Variants in PARN observed in about 807,000 individuals in gnomAD.
PARN encodes the protein poly(A)-specific ribonuclease.
A neutral mutation model predicts 102.8 loss-of-function variants in PARN; 71 were observed. The ratio of observed to expected loss-of-function variants is 0.69; its 90% CI spans 0.57 to 0.84. The LOEUF is 0.84. Among genes scored for constraint, PARN ranks in the 40% least tolerant of loss-of-function variants. The pLI is 0.00. For missense variants in PARN, 782 were observed against 760.9 expected, an observed-to-expected ratio of 1.03 and a Z score of -0.33; for synonymous variants, 261 against 252.9, an observed-to-expected ratio of 1.03 and a Z score of -0.30.
At chr16:14,513,166 C>T (rs1965291308) in intron 21 of PARN, among the ~76,000 whole-genome samples, 1 of 152,174 alleles carries the variant, frequency 6.6e-6, no homozygotes, top group Admixed American at 6.5e-5. Context: ...CTCAAGTGAT[C>T]TGCCCGCCTC....
intron 21 of PARN, chr16:14,501,458 AAACAGAAAGAAAAAGAGAATGAATGTT>A (rs1964605609): frequency 6.9e-6 from 1 of 144,234 alleles, no homozygotes; most frequent in Non-Finnish European, 1.5e-5. Flanking sequence ...AAAAAAAAAA[AAACAGAAAGAAAAAGAGAATGAATGTT>A]AAAATGTAGG....
rs1175994229 is a variant in PARN, at chr16:14,542,390, C to T, written c.1480+9631G>A. Among the ~76,000 whole-genome samples the T allele has an allele frequency of 2.7e-5, 4 of 150,470 alleles. No individual in the cohort carries two copies. The East Asian group carries it at 7.9e-4, about 30-fold the overall frequency. On this transcript the variant is annotated intron_variant, in intron 21 of 23. Coordinates refer to ENST00000437198, the MANE Select transcript of PARN (RefSeq NM_002582.4). Reference sequence around the variant, plus strand: ...AGGCTGGAGTGGAGTGGTACAGTTACAGCTCATTACAGCCTCAAACTGGGC... The same window carrying T: ...AGGCTGGAGTGGAGTGGTACAGTTATAGCTCATTACAGCCTCAAACTGGGC...
chr16:14,544,256 G>T (rs1392501044), intron 21 of PARN, among the ~76,000 whole-genome samples: 3 of 152,140 alleles, frequency 2.0e-5, no homozygotes, highest in Non-Finnish European at 4.4e-5. Flanking sequence ...TGTATACACA[G>T]ATAGGTCTAG....
intron 21 of PARN, among the ~76,000 whole-genome samples, chr16:14,517,984 A>T (rs1307320422): frequency 6.6e-6 from 1 of 152,116 alleles, no homozygotes; most frequent in African/African-American, 2.4e-5. Flanking sequence ...TATATTTTCA[A>T]ACCAGATGTT....
At position 14,501,002 on chromosome 16, in the gene PARN, G is replaced by C. The variant is rs556666929; in HGVS notation, c.1481-18175C>G. On this transcript the variant is annotated intron_variant, in intron 21 of 23. Coordinates refer to ENST00000437198, the MANE Select transcript of PARN (RefSeq NM_002582.4). ...ATTCTTCTGCTATGAGGCACCCAGGGAAATAGTCCAGAGGTCTGAATTGCA... is the reference window on the plus strand; with the variant it reads ...ATTCTTCTGCTATGAGGCACCCAGGCAAATAGTCCAGAGGTCTGAATTGCA... Among the ~76,000 whole-genome samples the C allele has an allele frequency of 3.3e-5, 5 of 152,176 alleles. No homozygotes were observed. The South Asian group carries it at 8.3e-4, about 25-fold the overall frequency.
chr16:14,540,069 A>C (rs545505744), intron 21 of PARN, among the ~76,000 whole-genome samples: 4 of 152,346 alleles, frequency 2.6e-5, no homozygotes, highest in Admixed American at 2.6e-4. Flanking sequence ...TGAAGTCTGC[A>C]TGGAGTCCTG....
At chr16:14,570,869 T>G (rs1327057776) in intron 18 of PARN, among the ~76,000 whole-genome samples, 2 of 147,314 alleles carry the variant, frequency 1.4e-5, no homozygotes, top group Non-Finnish European at 3.0e-5. Flanking sequence ...GCGCCTTTGG[T>G]AGCTACTTGG....
chr16:14,572,427 T>C (rs17201356), intron 18 of PARN, among the ~76,000 whole-genome samples: 4,319 of 152,222 alleles, frequency 0.028, 84 homozygotes, highest in Non-Finnish European at 0.041. Context: ...TGATGTTAAA[T>C]GTCAAGCACA....
intron 21 of PARN, among the ~76,000 whole-genome samples, chr16:14,519,237 T>A (rs1965612109): frequency 6.8e-6 from 1 of 147,082 alleles, no homozygotes; most frequent in Non-Finnish European, 1.5e-5. Context: ...TGATGTATTT[T>A]CATCTGAAAG....
At chr16:14,497,251 C>T (rs1964364235) in intron 21 of PARN, among the ~76,000 whole-genome samples, 1 of 152,140 alleles carries the variant, frequency 6.6e-6, no homozygotes, top group African/African-American at 2.4e-5. Context: ...TAACACAACA[C>T]AGCTCATTGA....
intron 22 of PARN, among the ~76,000 whole-genome samples, chr16:14,455,686 A>C (rs1167299631): frequency 6.6e-6 from 1 of 152,066 alleles, no homozygotes; most frequent in African/African-American, 2.4e-5. Context: ...ATAGATTTTT[A>C]TTGAGAAGAA....
intron 13 of PARN, among the ~76,000 whole-genome samples, chr16:14,590,349 T>G (rs1970116519): frequency 7.2e-6 from 1 of 139,668 alleles, no homozygotes; most frequent in Non-Finnish European, 1.5e-5. Flanking sequence ...GAAATGCCAA[T>G]CCAGGCCAGA....
chr16:14,463,123 C>T (rs1962089276), intron 22 of PARN, among the ~76,000 whole-genome samples: 1 of 152,190 alleles, frequency 6.6e-6, no homozygotes, highest in South Asian at 2.1e-4. Context: ...AACGCCTGTT[C>T]CCACCAGCTA....
chr16:14,488,523 A>C lies in PARN; in HGVS notation c.1481-5696T>G, dbSNP rs943881588. On this transcript the variant is annotated intron_variant, in intron 21 of 23. Transcript: ENST00000437198. ...CACTAGAATATATAAAAATAGCCAC[A>C]AACTAGTGAGGAAACAACTGCAGAA... Among the ~76,000 whole-genome samples, 11 of 152,184 alleles carry C rather than the reference A, an allele frequency of 7.2e-5. 1 individual carries two copies. The highest frequency in any genetic ancestry group is 8.8e-5 in the Non-Finnish European group (6 of 68,042).
At chr16:14,625,186 A>G (rs1422634899) in intron 5 of PARN, among the ~76,000 whole-genome samples, 1 of 151,836 alleles carries the variant, frequency 6.6e-6, no homozygotes, top group East Asian at 1.9e-4. Context: ...TTTTCCCTCA[A>G]TGAAAATTTA....
chr16:14,571,501 T>G (rs1057432811), intron 18 of PARN, among the ~76,000 whole-genome samples: 1 of 152,230 alleles, frequency 6.6e-6, no homozygotes, highest in African/African-American at 2.4e-5. Flanking sequence ...GTAGGTTTTT[T>G]GCGGGAGGTC....
chr16:14,504,090 T>C (rs988079796), intron 21 of PARN, among the ~76,000 whole-genome samples: 20 of 152,320 alleles, frequency 1.3e-4, no homozygotes, highest in African/African-American at 4.3e-4. Flanking sequence ...TCCTTTGACC[T>C]AGTAATTCCT....
chr16:14,455,623 T>C (rs1220440228), intron 22 of PARN, among the ~76,000 whole-genome samples: 1 of 152,226 alleles, frequency 6.6e-6, no homozygotes, highest in Non-Finnish European at 1.5e-5. Flanking sequence ...AAAACTTACA[T>C]CTTCCAACAA....
intron 23 of PARN, among the ~76,000 whole-genome samples, chr16:14,439,026 C>A (rs1193748180): frequency 6.6e-6 from 1 of 152,192 alleles, no homozygotes; most frequent in African/African-American, 2.4e-5. Flanking sequence ...AACTCATTTT[C>A]ACAGCCCTGT....
Sources: gnomAD v4.1 joint callset for allele counts (sites outside exome capture counted in the v4.1 genomes callset) on GRCh38, gnomAD v4.1.1 for gene constraint, MANE v1.5 for transcripts, NCBI Gene and HGNC (gene_info 2026-07-23, HGNC 2026-07-21) for gene names.